Variants in PCMT1 observed in about 807,000 individuals in gnomAD.
The protein encoded by PCMT1 is protein-L-isoaspartate(D-aspartate) O-methyltransferase.
A neutral mutation model predicts 29.2 loss-of-function variants in PCMT1; 9 were observed. The observed-to-expected ratio is 0.31, with a 90% confidence interval of 0.19 to 0.54. PCMT1 has a LOEUF of 0.54. PCMT1 is among the 20% of genes least tolerant of loss of function. The probability of loss-of-function intolerance (pLI) is 0.95; values close to 1 mark genes in which losing one functional copy is unlikely to be tolerated. For synonymous variants in PCMT1, 98 were observed against 97.5 expected, an observed-to-expected ratio of 1.00 and a Z score of -0.03; for missense variants, 184 against 282.2, an observed-to-expected ratio of 0.65 and a Z score of 2.49.
chr6:149,781,033 AT>A (rs1162177646), intron 3 of PCMT1, among the ~76,000 whole-genome samples: 1 of 152,008 alleles, frequency 6.6e-6, no homozygotes, highest in Non-Finnish European at 1.5e-5. Context: ...TTTTAAAAGA[AT>A]TTTATCCATC....
intron 7 of PCMT1, among the ~76,000 whole-genome samples, chr6:149,807,868 T>A (rs887471824): frequency 6.6e-6 from 1 of 152,208 alleles, no homozygotes; most frequent in South Asian, 2.1e-4. Flanking sequence ...AGGGATCCAA[T>A]TGATCCCGTG....
chr6:149,793,740 TA>T (rs1788481238), intron 5 of PCMT1, 71 bp downstream of exon 5: 2 of 1,290,264 alleles, frequency 1.6e-6, no homozygotes, highest in Admixed American at 5.9e-5. Context: ...GCAAGCTAAA[TA>T]ATACTCAGAG....
intron 7 of PCMT1, among the ~76,000 whole-genome samples, chr6:149,804,868 C>T (rs572435829): frequency 6.6e-6 from 1 of 152,114 alleles, no homozygotes; most frequent in African/African-American, 2.4e-5. Context: ...AAAGGTTCCC[C>T]TGTTTTCTAA....
At chr6:149,760,008 G>C (rs1402133011) in intron 1 of PCMT1, among the ~76,000 whole-genome samples, 2 of 152,092 alleles carry the variant, frequency 1.3e-5, no homozygotes, top group African/African-American at 2.4e-5. Flanking sequence ...GCCCAGGTTC[G>C]TAGTTGAAAC....
intron 6 of PCMT1, among the ~76,000 whole-genome samples, chr6:149,801,684 G>A (rs1325245540): frequency 6.6e-6 from 1 of 152,066 alleles, no homozygotes; most frequent in Non-Finnish European, 1.5e-5. Context: ...TTGACCTCAA[G>A]TGATCTGCCC....
chr6:149,769,305 A>ATTCTTTTTTT (rs1787213586), intron 1 of PCMT1, among the ~76,000 whole-genome samples: 1 of 48,126 alleles, frequency 2.1e-5, no homozygotes, highest in African/African-American at 1.5e-4. Flanking sequence ...TTTGTGCAGG[A>ATTCTTTTTTT]TTCTTTTTTT....
At chr6:149,792,967 C>T (rs1353723070) in intron 4 of PCMT1, among the ~76,000 whole-genome samples, 2 of 152,002 alleles carry the variant, frequency 1.3e-5, no homozygotes, top group African/African-American at 2.4e-5. Flanking sequence ...TTGAGACCAG[C>T]CTGACCAACG....
rs991687528 is a variant in PCMT1 at position 149,761,263 on chromosome 6, G to A, written c.56-9899G>A. Among the ~76,000 whole-genome samples the A allele has an allele frequency of 9.3e-5, 14 of 150,406 alleles. No homozygotes were observed. In the East Asian group the frequency reaches 1.6e-3, roughly 17 times the overall value. ...CTTGCTAATTGTAAGGGTGATGTGTGTGTGTGTGTGTGTGTGTACATATAT... is the reference window on the plus strand; with the variant it reads ...CTTGCTAATTGTAAGGGTGATGTGTATGTGTGTGTGTGTGTGTACATATAT... On this transcript the variant is annotated intron_variant, in intron 1 of 7. Coordinates refer to ENST00000464889, the MANE Select transcript of PCMT1 (RefSeq NM_001360452.2).
intron 2 of PCMT1, among the ~76,000 whole-genome samples, chr6:149,771,511 T>C (rs768223489): frequency 6.6e-6 from 1 of 152,190 alleles, no homozygotes; most frequent in Non-Finnish European, 1.5e-5. Flanking sequence ...TAAAATATTT[T>C]AGTGAAAAAA....
intron 1 of PCMT1, among the ~76,000 whole-genome samples, chr6:149,754,967 T>C (rs1158063400): frequency 6.6e-6 from 1 of 152,230 alleles, no homozygotes; most frequent in East Asian, 1.9e-4. Context: ...ATTTCTTAAT[T>C]GTGCCTAATT....
At chr6:149,806,835 AC>A (rs1291757464) in intron 7 of PCMT1, among the ~76,000 whole-genome samples, 1 of 151,984 alleles carries the variant, frequency 6.6e-6, no homozygotes, top group African/African-American at 2.4e-5. Flanking sequence ...CAAGCGTTCC[AC>A]CCACCTCAGC....
chr6:149,780,700 T>G (rs773769810), intron 3 of PCMT1, among the ~76,000 whole-genome samples: 4 of 152,242 alleles, frequency 2.6e-5, no homozygotes, highest in Non-Finnish European at 5.9e-5. Context: ...TTCTGTCCTT[T>G]TTATGACTGA....
chr6:149,803,064 A>AAAAAC (rs1314549925), intron 7 of PCMT1, among the ~76,000 whole-genome samples: 1 of 149,778 alleles, frequency 6.7e-6, no homozygotes, highest in East Asian at 1.9e-4. Context: ...AAAAAAAAAA[A>AAAAAC]AAAAAAAAAA....
At chr6:149,797,675 A>G (rs1310013694) in intron 6 of PCMT1, 1 of 152,170 alleles carries the variant, frequency 6.6e-6, no homozygotes, top group Admixed American at 6.6e-5. Context: ...TTTCTGTTAC[A>G]TATGGCTTTT....
At chr6:149,802,520 G>T in intron 7 of PCMT1, 104 bp downstream of exon 7, 1 of 1,300,332 alleles carries the variant, frequency 7.7e-7, no homozygotes, top group Non-Finnish European at 9.8e-7. Flanking sequence ...CATTAAAAAT[G>T]TGAAAAATGT....
At chr6:149,799,261 C>T (rs1156499295) in intron 6 of PCMT1, 1 of 152,102 alleles carries the variant, frequency 6.6e-6, no homozygotes, top group African/African-American at 2.4e-5. Context: ...TTTCAGTGAA[C>T]CATGATTGCA....
intron 7 of PCMT1, among the ~76,000 whole-genome samples, chr6:149,802,917 A>T (rs968085420): frequency 1.3e-5 from 2 of 151,726 alleles, no homozygotes; most frequent in African/African-American, 4.8e-5. Context: ...GCTGGGCGTG[A>T]TGGCACAGGC....
At chr6:149,779,294 C>T (rs9505974) in intron 3 of PCMT1, among the ~76,000 whole-genome samples, 74,755 of 151,894 alleles carry the variant, frequency 0.49, 20,256 homozygotes, top group East Asian at 0.83. Context: ...TGCCTTTGAT[C>T]TCGCTTCTGC....
At chr6:149,774,367 G>A (rs1787466391) in intron 3 of PCMT1, among the ~76,000 whole-genome samples, 1 of 151,154 alleles carries the variant, frequency 6.6e-6, no homozygotes, top group Non-Finnish European at 1.5e-5. Flanking sequence ...AGCCTCCTGA[G>A]TAACTAGCAT....
Sources: allele counts gnomAD v4.1 joint callset (sites outside exome capture counted in the v4.1 genomes callset), GRCh38; gene constraint gnomAD v4.1.1; transcripts MANE v1.5; gene names NCBI Gene and HGNC (gene_info 2026-07-23, HGNC 2026-07-21).